SEC61A2: variants seen among roughly 807,000 people sequenced by gnomAD.
SEC61A2 encodes the protein protein transport protein Sec61 subunit alpha isoform 2.
Under a neutral mutation model 59.9 loss-of-function variants are expected in SEC61A2, and 28 were observed. That is an observed-to-expected ratio of 0.47 (90% CI 0.35 to 0.64). The LOEUF (loss-of-function observed/expected upper bound fraction) is 0.64. SEC61A2 is among the 30% of genes least tolerant of loss of function. The probability of loss-of-function intolerance (pLI) is 0.01; values close to 1 mark genes in which losing one functional copy is unlikely to be tolerated. For missense variants in SEC61A2, 340 were observed against 585.9 expected (o/e 0.58, Z 4.33); for synonymous variants, 202 against 214.4 (o/e 0.94, Z 0.50).
Position 12,164,934 on chromosome 10 carries a change from TCCCCAC to T in SEC61A2, c.*488_*493del. 2 of 973,772 alleles carry T rather than the reference TCCCCAC, an allele frequency of 2.1e-6. No homozygotes were observed. Among genetic ancestry groups the T allele is most frequent in the South Asian group, 4.7e-5 (1 of 21,060 alleles). 60.3% of individuals were successfully genotyped at this position (973,772 alleles called of 1,614,324 possible). ...CTTTTTTAACTCATGGTATCCCCAC[TCCCCAC>T]CCCCACCTCATTTTTATTTGTCCCT... On this transcript the variant is annotated 3_prime_UTR_variant, in exon 12 of 12. Transcript: ENST00000298428. The surrounding 1 kb of genome is among the most constrained non-coding windows in gnomAD (Gnocchi z 7.3).
At chr10:12,167,937 GTT>G (rs71513318), downstream of SEC61A2, 2 of 1,436,758 alleles carry the variant, frequency 1.4e-6, no homozygotes, top group Non-Finnish European at 1.8e-6. Flanking sequence ...TGGTGATAAC[GTT>G]TTTTTTGGTC....
chr10:12,130,484 G>A (rs1352051669), intron 1 of SEC61A2, among the ~76,000 whole-genome samples: 1 of 152,134 alleles, frequency 6.6e-6, no homozygotes, highest in African/African-American at 2.4e-5. Context: ...GTGGACATTT[G>A]GGGGAAATTA....
At chr10:12,150,594 A>G (rs914059527) in intron 6 of SEC61A2, among the ~76,000 whole-genome samples, 4 of 152,248 alleles carry the variant, frequency 2.6e-5, no homozygotes, top group African/African-American at 4.8e-5. Context: ...GTATTGTGCC[A>G]TAAGTTAATT....
downstream of SEC61A2, chr10:12,169,571 A>T: frequency 2.4e-6 from 1 of 419,504 alleles, no homozygotes; most frequent in Non-Finnish European, 4.3e-6. The surrounding 1 kb of genome is among the most constrained non-coding windows in gnomAD (Gnocchi z 4.8). Flanking sequence ...CAGATAAACT[A>T]TTGTATCTAT....
rs931750273 is a variant in SEC61A2, at chr10:12,154,085, A to G, written c.463-1693A>G. Among the ~76,000 whole-genome samples, 2 of 152,228 alleles carry G rather than the reference A, an allele frequency of 1.3e-5. No homozygotes were observed. Among genetic ancestry groups the G allele is most frequent in the Non-Finnish European group, 2.9e-5 (2 of 68,040 alleles). ...GGTTAAAATGTTAAGTGCCATGTTT[A>G]TACCGGCTCATCATACATGTCGTCC... is the stretch of plus-strand genomic sequence containing the variant. On this transcript the variant is annotated intron_variant, in intron 6 of 11. Transcript: ENST00000298428. This position sits in a 1 kb window ranked among gnomAD's most constrained non-coding sequence, Gnocchi z 5.2.
At chr10:12,140,029 G>A (rs866700154) in intron 3 of SEC61A2, among the ~76,000 whole-genome samples, 1 of 151,974 alleles carries the variant, frequency 6.6e-6, no homozygotes, top group Non-Finnish European at 1.5e-5. Context: ...TAGAGGGGCC[G>A]AGAGCTGCTC....
In SEC61A2 at chr10:12,161,633, C is replaced by T. The variant is rs1588646537; in HGVS notation, c.1167+512C>T. ...GCGCATGCCTGTAATCCCAGCCACT[C>T]AGGAGGCTGAGGCAGGAGAATCGCT... On this transcript the variant is annotated intron_variant, in intron 10 of 11. Transcript: ENST00000298428. The surrounding 1 kb of genome is among the most constrained non-coding windows in gnomAD (Gnocchi z 5.4). Among the ~76,000 whole-genome samples the T allele has an allele frequency of 6.6e-6, 1 of 151,728 alleles. No individual in the cohort carries two copies. The highest frequency in any genetic ancestry group is 2.1e-4 in the South Asian group (1 of 4,790).
At chr10:12,166,497 TAC>T (rs1258995546), downstream of SEC61A2, 2 of 285,714 alleles carry the variant, frequency 7.0e-6, no homozygotes, top group African/African-American at 4.4e-5. Flanking sequence ...GTAAAGATCT[TAC>T]AGTTTCACTC....
In SEC61A2 at chr10:12,149,659, T is replaced by C; in HGVS notation, c.285T>C (p.Ala95=). 2 of 1,613,954 alleles carry C rather than the reference T, an allele frequency of 1.2e-6. No homozygotes were observed. The highest frequency in any genetic ancestry group is 4.5e-5 in the East Asian group (2 of 44,882). ...CTGGTTTGATTATGCAGTTGTTAGCTGGAGCCAAAATCATTGAAGTTGGAG... is the reference window on the plus strand; with the variant it reads ...CTGGTTTGATTATGCAGTTGTTAGCCGGAGCCAAAATCATTGAAGTTGGAG... ...VTSGLIMQLL[A]GAKIIEVGDT... The change falls in exon 5 of 12, where the codon GCT becomes GCC. Residue 95 remains alanine (A), a synonymous_variant. Coordinates refer to ENST00000298428, the MANE Select transcript of SEC61A2 (RefSeq NM_018144.4). The surrounding 1 kb of genome is among the most constrained non-coding windows in gnomAD (Gnocchi z 5.2).
At chr10:12,132,052 C>T (rs913578554) in intron 1 of SEC61A2, among the ~76,000 whole-genome samples, 5 of 148,594 alleles carry the variant, frequency 3.4e-5, no homozygotes, top group Non-Finnish European at 7.5e-5. Context: ...CCTGTAATCC[C>T]AGCACTTTGG....
chr10:12,159,493 T>G (rs1834481650), intron 9 of SEC61A2, among the ~76,000 whole-genome samples: 2 of 152,074 alleles, frequency 1.3e-5, no homozygotes. Context: ...GTTGGAGACC[T>G]GTCTGGGCAA....
In SEC61A2 at chr10:12,165,298, CTG is replaced by C. The variant is rs1448876324; in HGVS notation, c.*846_*847del. ...ATATATTCATGCTAGGAATTTGTGT[CTG>C]TTGTTGTACTCACAGCAGCAACATG... is the stretch of plus-strand genomic sequence containing the variant. On this transcript the variant is annotated 3_prime_UTR_variant, in exon 12 of 12. Transcript: ENST00000298428. The C allele has an allele frequency of 1.0e-6, 1 of 985,242 alleles. No homozygotes were observed. The highest frequency in any genetic ancestry group is 1.1e-4 in the East Asian group (1 of 8,822). 61.0% of individuals were successfully genotyped at this position (985,242 alleles called of 1,614,324 possible).
At position 12,145,635 on chromosome 10, in the gene SEC61A2, C is replaced by A. The variant is rs573030300; in HGVS notation, c.220+2440C>A. Among the ~76,000 whole-genome samples the A allele has an allele frequency of 6.6e-6, 1 of 152,174 alleles. No individual in the cohort carries two copies. The highest frequency in any genetic ancestry group is 1.5e-5 in the Non-Finnish European group (1 of 67,994). ...TGGAGTTTTATTAGTGTGTTAGATT[C>A]CTTTTGTTGTAAGTAATAGGAAACT... On this transcript the variant is annotated intron_variant, in intron 4 of 11. Transcript: ENST00000298428. The surrounding 1 kb of genome is among the most constrained non-coding windows in gnomAD (Gnocchi z 4.4).
rs1834378927 is a variant in SEC61A2, at chr10:12,155,602, A to G, written c.463-176A>G. ...ATTTCCAGTCCTCTTACTGTTCTAGATTGGCCTGAGTAAATGAAAGCAGGC... is the reference window on the plus strand; with the variant it reads ...ATTTCCAGTCCTCTTACTGTTCTAGGTTGGCCTGAGTAAATGAAAGCAGGC... On this transcript the variant is annotated intron_variant, in intron 6 of 11. Transcript: ENST00000298428. This position sits in a 1 kb window ranked among gnomAD's most constrained non-coding sequence, Gnocchi z 4.3. Among the ~76,000 whole-genome samples, 1 of 152,170 alleles carries G rather than the reference A, an allele frequency of 6.6e-6. No homozygotes were observed. The highest frequency in any genetic ancestry group is 2.4e-5 in the African/African-American group (1 of 41,436).
rs1834301525 is a variant in SEC61A2, at chr10:12,152,586, C to A, written c.462+2625C>A. ...ACCAGTCTGGGCAACATGGTGAAAC[C>A]CTGTCTCTACTAAAAACACAAAAAT... On this transcript the variant is annotated intron_variant, in intron 6 of 11. Coordinates refer to ENST00000298428, the MANE Select transcript of SEC61A2 (RefSeq NM_018144.4). This position sits in a 1 kb window ranked among gnomAD's most constrained non-coding sequence, Gnocchi z 5.5. Among the ~76,000 whole-genome samples the A allele has an allele frequency of 6.6e-6, 1 of 151,952 alleles. No individual in the cohort carries two copies. Among genetic ancestry groups the A allele is most frequent in the African/African-American group, 2.4e-5 (1 of 41,464 alleles).
chr10:12,165,113 A>G lies in SEC61A2; in HGVS notation c.*659A>G. 1.0e-6 allele frequency: 1 copy of G among 985,958 alleles called. No homozygotes were observed. Among genetic ancestry groups the G allele is most frequent in the Non-Finnish European group, 1.2e-6 (1 of 830,140 alleles). 61.1% of individuals were successfully genotyped at this position (985,958 alleles called of 1,614,324 possible). A position where few individuals can be genotyped will look rare whatever the true frequency, so the allele number is the denominator to read the frequency against. On this transcript the variant is annotated 3_prime_UTR_variant, in exon 12 of 12. Coordinates refer to ENST00000298428, the MANE Select transcript of SEC61A2 (RefSeq NM_018144.4). The stretch of plus-strand genomic sequence containing the variant: ...CTCCTCTCTTCCCAGTGACAGCATC[A>G]TCGTGCTGTTTGCCTGTATTGGCTA...
rs1358495010 is a variant in SEC61A2, at chr10:12,162,448, C to T, written c.1244+159C>T. 5.1e-6 allele frequency: 4 copies of T among 778,956 alleles called. No homozygotes were observed. The highest frequency in any genetic ancestry group is 1.7e-5 in the Admixed American group (1 of 58,714). The allele number at this position is 778,956 out of a possible 1,614,324, so 48.3% of individuals were successfully genotyped here. A position where few individuals can be genotyped will look rare whatever the true frequency, so the allele number is the denominator to read the frequency against. On this transcript the variant is annotated intron_variant, in intron 11 of 11. Coordinates refer to ENST00000298428, the MANE Select transcript of SEC61A2 (RefSeq NM_018144.4). This position sits in a 1 kb window ranked among gnomAD's most constrained non-coding sequence, Gnocchi z 6.1. The stretch of plus-strand genomic sequence containing the variant: ...CAAAACTTGTTTTCCATGTCAAAAC[C>T]AACACCTGAATTTTTCATTGAAATT...
rs1444735061 is a variant in SEC61A2 at position 12,152,090 on chromosome 10, A to AT, written c.462+2139dup. ...GTTTTGTCATTTGACCAGGGCAGGA[A>AT]TTTTTTTTTTCGAGACGGAGTCCTG... On this transcript the variant is annotated intron_variant, in intron 6 of 11. Coordinates refer to ENST00000298428, the MANE Select transcript of SEC61A2 (RefSeq NM_018144.4). The surrounding 1 kb of genome is among the most constrained non-coding windows in gnomAD (Gnocchi z 5.5). Among the ~76,000 whole-genome samples the AT allele has an allele frequency of 1.3e-5, 2 of 150,866 alleles. No homozygotes were observed. The highest frequency in any genetic ancestry group is 2.4e-5 in the African/African-American group (1 of 41,112).
intron 4 of SEC61A2, among the ~76,000 whole-genome samples, chr10:12,147,530 C>A (rs929957584): frequency 6.6e-6 from 1 of 151,986 alleles, no homozygotes; most frequent in Non-Finnish European, 1.5e-5. Context: ...ACCAAAAATA[C>A]AGAAATTAGC....
Sources: gnomAD v4.1 joint callset for allele counts (sites outside exome capture counted in the v4.1 genomes callset) on GRCh38, gnomAD v4.1.1 for gene constraint, Gnocchi (gnomAD v3.1) non-coding constraint, MANE v1.5 for transcripts, NCBI Gene and HGNC (gene_info 2026-07-23, HGNC 2026-07-21) for gene names.